KIFAP3: variants seen among roughly 807,000 people sequenced by gnomAD.
KIFAP3 encodes the protein kinesin-associated protein 3.
In KIFAP3, 68 loss-of-function variants were observed where a neutral mutation model predicts 106.5. The ratio of observed to expected loss-of-function variants is 0.64; its 90% CI spans 0.53 to 0.78. The LOEUF is 0.78. Ranked by LOEUF, KIFAP3 falls within the 30% of genes least tolerant of loss-of-function variation. KIFAP3 has a pLI of 0.00. For missense variants in KIFAP3, 780 were observed against 941.8 expected (o/e 0.83, Z 2.25); for synonymous variants, 320 against 311.5 (o/e 1.03, Z -0.29).
rs1669799464 is a variant in KIFAP3 at position 170,038,460 on chromosome 1, C to T, written c.376-29G>A. 2.5e-6 allele frequency: 4 copies of T among 1,590,750 alleles called. No individual in the cohort carries two copies. The East Asian group carries it at 9.1e-5, about 36-fold the overall frequency. ...AAACAAAGAGGCAGAAAGTACTCAT[C>T]AACAATGCTCAACAGATCCACTGTC... On this transcript the variant is annotated intron_variant, in intron 4 of 19. Coordinates refer to ENST00000361580, the MANE Select transcript of KIFAP3 (RefSeq NM_014970.4).
chr1:169,974,306 C>T (rs943436138), intron 16 of KIFAP3, among the ~76,000 whole-genome samples: 1 of 151,924 alleles, frequency 6.6e-6, no homozygotes, highest in African/African-American at 2.4e-5. Context: ...AGAGTCCACA[C>T]ATTTCTACTA....
At chr1:169,988,081 A>G (rs939141694) in intron 11 of KIFAP3, among the ~76,000 whole-genome samples, 1 of 152,084 alleles carries the variant, frequency 6.6e-6, no homozygotes, top group Non-Finnish European at 1.5e-5. Flanking sequence ...TTGGATAACT[A>G]GAGGTAATAA....
intron 8 of KIFAP3, among the ~76,000 whole-genome samples, chr1:170,024,948 C>T (rs947473088): frequency 6.6e-5 from 10 of 151,958 alleles, no homozygotes; most frequent in Admixed American, 1.3e-4. Flanking sequence ...AAAAATAAAG[C>T]AGACAGAGGA....
At chr1:169,981,644 C>CT (rs1306147233) in intron 15 of KIFAP3, among the ~76,000 whole-genome samples, 3 of 152,066 alleles carry the variant, frequency 2.0e-5, no homozygotes, top group Non-Finnish European at 4.4e-5. Flanking sequence ...TTTCAGGCAT[C>CT]TGCTGGGGGT....
At chr1:169,938,334 T>A (rs531761840) in intron 19 of KIFAP3, among the ~76,000 whole-genome samples, 2 of 152,016 alleles carry the variant, frequency 1.3e-5, no homozygotes, top group Admixed American at 1.3e-4. Context: ...TATTAAAAAA[T>A]TTTCCCATAT....
intron 11 of KIFAP3, 94 bp from the exon 12 acceptor site, chr1:169,984,784 T>C: frequency 3.1e-6 from 2 of 644,946 alleles, no homozygotes; most frequent in Non-Finnish European, 2.8e-6. Flanking sequence ...TTATCTTAGA[T>C]TGTACATTGG....
At chr1:169,943,688 G>A (rs1211162552) in intron 19 of KIFAP3, among the ~76,000 whole-genome samples, 3 of 152,086 alleles carry the variant, frequency 2.0e-5, no homozygotes. Context: ...CATAAGAACC[G>A]TCATCCTTGC....
At chr1:169,973,123 A>ATATAT (rs1553278139) in intron 16 of KIFAP3, among the ~76,000 whole-genome samples, 1 of 128,664 alleles carries the variant, frequency 7.8e-6, no homozygotes, top group Non-Finnish European at 1.6e-5. Flanking sequence ...ATATATATAT[A>ATATAT]AACAACACAA....
intron 10 of KIFAP3, among the ~76,000 whole-genome samples, chr1:170,000,413 A>G (rs1029723761): frequency 1.3e-5 from 2 of 152,150 alleles, no homozygotes; most frequent in Admixed American, 6.6e-5. Flanking sequence ...TTACCCCTGG[A>G]AAGTCTATAT....
chr1:169,934,257 C>G (rs968745377), intron 19 of KIFAP3, among the ~76,000 whole-genome samples: 2 of 152,096 alleles, frequency 1.3e-5, no homozygotes, highest in Non-Finnish European at 2.9e-5. Context: ...TGTTGTTGCA[C>G]TAAAATAATG....
chr1:169,972,458 T>C, intron 17 of KIFAP3, 55 bp downstream of exon 17: 1 of 878,584 alleles, frequency 1.1e-6, no homozygotes, highest in Non-Finnish European at 1.9e-6. Flanking sequence ...TTACAATGAC[T>C]TTCTCCCCCA....
chr1:170,045,287 C>T (rs1196163833), intron 3 of KIFAP3, among the ~76,000 whole-genome samples: 1 of 152,124 alleles, frequency 6.6e-6, no homozygotes, highest in Non-Finnish European at 1.5e-5. Context: ...ATCCAGAAAC[C>T]TCAAGTTATT....
intron 3 of KIFAP3, among the ~76,000 whole-genome samples, chr1:170,040,912 G>T (rs1006186062): frequency 1.3e-5 from 2 of 150,882 alleles, no homozygotes; most frequent in African/African-American, 4.9e-5. Context: ...TGAAACCTCT[G>T]CCTCCTGGAT....
intron 10 of KIFAP3, 64 bp downstream of exon 10, chr1:170,016,398 G>A: frequency 2.3e-6 from 3 of 1,323,644 alleles, no homozygotes; most frequent in Non-Finnish European, 3.2e-6. Context: ...TCAACACAGA[G>A]CTCAATTTTC....
At chr1:170,011,385 A>G (rs955948107) in intron 10 of KIFAP3, among the ~76,000 whole-genome samples, 4 of 151,924 alleles carry the variant, frequency 2.6e-5, no homozygotes, top group African/African-American at 7.2e-5. Context: ...AACTAGCATA[A>G]AAAAGGGAAT....
chr1:169,983,066 G>A (rs1476829471), intron 13 of KIFAP3, among the ~76,000 whole-genome samples, 199 bp from the exon 14 acceptor site: 1 of 151,892 alleles, frequency 6.6e-6, no homozygotes, highest in Non-Finnish European at 1.5e-5. Flanking sequence ...GTGGGGTGGA[G>A]GGATTAGGGG....
rs940583544 is a variant in KIFAP3, at chr1:170,041,570, G to A, written c.320-2282C>T. On this transcript the variant is annotated intron_variant, in intron 3 of 19. Coordinates refer to ENST00000361580, the MANE Select transcript of KIFAP3 (RefSeq NM_014970.4). ...CGTAGGCATCTGCCTGTGGCTCGGT[G>A]ACCTCTTAGCATTTCAGAGGCCCGG... The A allele has an allele frequency of 4.2e-5, 32 of 766,934 alleles. No individual in the cohort carries two copies. The Admixed American group carries it at 7.4e-4, about 18-fold the overall frequency. 47.5% of individuals were successfully genotyped at this position (766,934 alleles called of 1,614,324 possible).
At chr1:170,047,877 T>C (rs1670344303) in intron 2 of KIFAP3, among the ~76,000 whole-genome samples, 1 of 152,084 alleles carries the variant, frequency 6.6e-6, no homozygotes, top group Non-Finnish European at 1.5e-5. Flanking sequence ...TAAAATTAGG[T>C]TCAAAGTGAA....
At position 169,921,378 on chromosome 1, in the gene KIFAP3, A is replaced by G. The variant is rs1018051747; in HGVS notation, c.*298T>C. On this transcript the variant is annotated 3_prime_UTR_variant, in exon 20 of 20. Coordinates refer to ENST00000361580, the MANE Select transcript of KIFAP3 (RefSeq NM_014970.4). The stretch of plus-strand genomic sequence containing the variant: ...ATTGAAATTAAATTAGTCACTTAAC[A>G]TACATAATGCAGTGTTTGTTTTCCA... The G allele has an allele frequency of 4.9e-6, 1 of 204,596 alleles. No homozygotes were observed. Among genetic ancestry groups the G allele is most frequent in the Non-Finnish European group, 9.9e-6 (1 of 101,504 alleles). The allele number at this position is 204,596 out of a possible 1,614,324, so 12.7% of individuals were successfully genotyped here.
Sources: gnomAD v4.1 joint callset for allele counts (sites outside exome capture counted in the v4.1 genomes callset) on GRCh38, gnomAD v4.1.1 for gene constraint, MANE v1.5 for transcripts, NCBI Gene and HGNC (gene_info 2026-07-23, HGNC 2026-07-21) for gene names.